Variants in SMURF2 observed in about 807,000 individuals in gnomAD.
SMURF2 encodes SMAD specific E3 ubiquitin protein ligase 2, also known as E3 ubiquitin-protein ligase SMURF2.
SMURF2 carries 48 observed loss-of-function variants against 109.6 expected under a neutral mutation model. That is an observed-to-expected ratio of 0.44 (90% CI 0.35 to 0.56). The LOEUF (loss-of-function observed/expected upper bound fraction) is 0.56, where lower values mean the gene tolerates loss of function less well. SMURF2 is among the 20% of genes least tolerant of loss of function. The pLI is 0.01. For synonymous variants in SMURF2, 288 were observed against 317.1 expected (o/e 0.91, Z 0.97); for missense variants, 575 against 909.0 (o/e 0.63, Z 4.72).
chr17:64,549,027 T>A (rs2144585215), intron 16 of SMURF2, among the ~76,000 whole-genome samples: 1 of 152,206 alleles, frequency 6.6e-6, no homozygotes, highest in Admixed American at 6.5e-5. Context: ...CTCACGCCTG[T>A]AATCCTAGCA....
intron 1 of SMURF2, among the ~76,000 whole-genome samples, chr17:64,634,974 T>C (rs1295584386): frequency 6.6e-6 from 1 of 151,724 alleles, no homozygotes; most frequent in African/African-American, 2.4e-5. Context: ...CATCATAACC[T>C]AATAATAATA....
intron 1 of SMURF2, among the ~76,000 whole-genome samples, chr17:64,634,892 A>G (rs74988540): frequency 0.05 from 7,657 of 152,296 alleles, 318 homozygotes; most frequent in Admixed American, 0.14. Context: ...AGAATTGGGT[A>G]TTGACAGCCA....
chr17:64,643,283 A>C (rs1970514187), intron 1 of SMURF2, among the ~76,000 whole-genome samples: 1 of 152,154 alleles, frequency 6.6e-6, no homozygotes, highest in Non-Finnish European at 1.5e-5. Context: ...CTGGCCTCCC[A>C]AAGTGCTGAG....
At chr17:64,610,569 G>C (rs982693282) in intron 1 of SMURF2, among the ~76,000 whole-genome samples, 3 of 152,138 alleles carry the variant, frequency 2.0e-5, no homozygotes, top group Non-Finnish European at 2.9e-5. Context: ...AGAACACATG[G>C]ACACATGGAG....
rs370452056 is a variant in SMURF2 at position 64,638,586 on chromosome 17, G to A, written c.52+23243C>T. Among the ~76,000 whole-genome samples the A allele has an allele frequency of 1.7e-3, 257 of 152,304 alleles. 3 individuals are homozygous for A. In the South Asian group the frequency reaches 0.023, roughly 14 times the overall value. On this transcript the variant is annotated intron_variant, in intron 1 of 18. Transcript: ENST00000262435. ...TGTTATATCAACTTTTAGGACTATG[G>A]TCAAACCTGGGAAAATTCTTAACAA...
At chr17:64,592,964 T>C (rs181191227) in intron 4 of SMURF2, 3 of 152,414 alleles carry the variant, frequency 2.0e-5, no homozygotes, top group East Asian at 3.8e-4. Context: ...TATACCATTC[T>C]TACCCCTTCG....
chr17:64,626,599 C>T (rs572412788), intron 1 of SMURF2, among the ~76,000 whole-genome samples: 1 of 152,108 alleles, frequency 6.6e-6, no homozygotes, highest in Non-Finnish European at 1.5e-5. Context: ...CCCATCTCTA[C>T]TAAAAATACA....
At chr17:64,637,588 G>A (rs1245608689) in intron 1 of SMURF2, among the ~76,000 whole-genome samples, 2 of 150,324 alleles carry the variant, frequency 1.3e-5, no homozygotes, top group Non-Finnish European at 1.5e-5. Flanking sequence ...TCTTGAGACG[G>A]AGTCTCATTC....
intron 5 of SMURF2, among the ~76,000 whole-genome samples, chr17:64,586,526 A>G (rs1351325139): frequency 6.6e-6 from 1 of 151,872 alleles, no homozygotes; most frequent in Non-Finnish European, 1.5e-5. Flanking sequence ...AGGCGGGCAG[A>G]TCACAAGGTC....
At chr17:64,643,062 T>C (rs1970511799) in intron 1 of SMURF2, among the ~76,000 whole-genome samples, 1 of 152,118 alleles carries the variant, frequency 6.6e-6, no homozygotes, top group African/African-American at 2.4e-5. Flanking sequence ...TCTCGCTCTA[T>C]CACCTGGGCT....
At position 64,543,957 on chromosome 17, in the gene SMURF2, G is replaced by A. The variant is rs1968910655; in HGVS notation, c.*1891C>T. On this transcript the variant is annotated 3_prime_UTR_variant, in exon 19 of 19. Transcript: ENST00000262435. ...CAAATTGTTTGAGAGGAAAAAGGTA[G>A]GCATAAGCATATTACCACTGCACAG... 6.6e-6 allele frequency: 1 copy of A among 152,152 alleles called. No homozygotes were observed. The highest frequency in any genetic ancestry group is 1.5e-5 in the Non-Finnish European group (1 of 68,014). The allele number at this position is 152,152 out of a possible 1,614,324, so 9.4% of individuals were successfully genotyped here.
At chr17:64,583,437 G>C in intron 7 of SMURF2, 24 bp downstream of exon 7, 3 of 1,578,688 alleles carry the variant, frequency 1.9e-6, no homozygotes, top group Non-Finnish European at 2.6e-6. Context: ...CATAGATCAT[G>C]AGAAAATATT....
At chr17:64,634,018 G>A (rs185040553) in intron 1 of SMURF2, among the ~76,000 whole-genome samples, 1 of 152,276 alleles carries the variant, frequency 6.6e-6, no homozygotes, top group East Asian at 1.9e-4. Context: ...GCCAGGTGTG[G>A]TGGTGCGCGC....
chr17:64,606,568 TACA>T, intron 2 of SMURF2, 31 bp downstream of exon 2: 1 of 1,446,466 alleles, frequency 6.9e-7, no homozygotes, highest in Non-Finnish European at 9.4e-7. Context: ...AAGATCTACA[TACA>T]ATACACAAGA....
At chr17:64,642,297 A>C (rs1208332920) in intron 1 of SMURF2, among the ~76,000 whole-genome samples, 2 of 152,234 alleles carry the variant, frequency 1.3e-5, no homozygotes, top group African/African-American at 4.8e-5. Flanking sequence ...AGCAAGGTAC[A>C]TCCTCCCTAA....
At chr17:64,631,119 T>A (rs943552129) in intron 1 of SMURF2, among the ~76,000 whole-genome samples, 4 of 150,488 alleles carry the variant, frequency 2.7e-5, no homozygotes, top group Non-Finnish European at 5.9e-5. Context: ...CTGGGCAACA[T>A]GGCAAGACCC....
intron 8 of SMURF2, 113 bp downstream of exon 8, chr17:64,580,676 C>A (rs1969565943): frequency 9.2e-7 from 1 of 1,090,604 alleles, no homozygotes; most frequent in Admixed American, 2.4e-5. Flanking sequence ...TATTTATTTT[C>A]ATGCAGAATC....
chr17:64,552,291 C>T (rs1969056594), intron 15 of SMURF2, among the ~76,000 whole-genome samples: 3 of 152,106 alleles, frequency 2.0e-5, no homozygotes, highest in Admixed American at 6.6e-5. Flanking sequence ...TAAAAAAATG[C>T]ACTAAACTAC....
At chr17:64,603,599 A>C (rs1246254750) in intron 2 of SMURF2, among the ~76,000 whole-genome samples, 1 of 151,898 alleles carries the variant, frequency 6.6e-6, no homozygotes, top group Non-Finnish European at 1.5e-5. Context: ...AAAAAAAAAA[A>C]ACATAATGAA....
Sources: allele counts gnomAD v4.1 joint callset (sites outside exome capture counted in the v4.1 genomes callset), GRCh38; gene constraint gnomAD v4.1.1; transcripts MANE v1.5; gene names NCBI Gene and HGNC (gene_info 2026-07-23, HGNC 2026-07-21).